The following FBXW8 variants were observed in gnomAD, a reference collection of about 807,000 sequenced individuals.
FBXW8 encodes the protein F-box/WD repeat-containing protein 8.
A neutral mutation model predicts 65.3 loss-of-function variants in FBXW8; 57 were observed. The ratio of observed to expected loss-of-function variants is 0.87; its 90% CI spans 0.71 to 1.09. FBXW8 has a LOEUF of 1.09. Ranked by LOEUF, FBXW8 falls within the 50% of genes least tolerant of loss-of-function variation. The pLI, the probability that FBXW8 is intolerant of heterozygous loss-of-function variation, is 0.00. For synonymous variants in FBXW8, 308 were observed against 330.2 expected, an observed-to-expected ratio of 0.93 and a Z score of 0.73; for missense variants, 777 against 814.8, an observed-to-expected ratio of 0.95 and a Z score of 0.57.
At chr12:117,013,894 A>G (rs756391514) in intron 8 of FBXW8, among the ~76,000 whole-genome samples, 6 of 152,062 alleles carry the variant, frequency 3.9e-5, no homozygotes, top group South Asian at 4.1e-4. Flanking sequence ...TGCAGGAAGT[A>G]ATCACTTGTT....
chr12:116,920,240 T>C (rs1356535379), intron 1 of FBXW8, among the ~76,000 whole-genome samples: 1 of 152,252 alleles, frequency 6.6e-6, no homozygotes, highest in Non-Finnish European at 1.5e-5. Context: ...CTTACGAACC[T>C]TTTGAAATGA....
chr12:116,971,357 CAAA>C (rs762730882), intron 5 of FBXW8, among the ~76,000 whole-genome samples: 4 of 118,166 alleles, frequency 3.4e-5, no homozygotes, highest in Admixed American at 1.7e-4. Flanking sequence ...AAGACCCAGT[CAAA>C]AAAAAAAAAA....
At chr12:116,963,585 C>T (rs1884125564) in intron 4 of FBXW8, among the ~76,000 whole-genome samples, 1 of 152,188 alleles carries the variant, frequency 6.6e-6, no homozygotes, top group Non-Finnish European at 1.5e-5. Flanking sequence ...GCCTGGGCAA[C>T]AGAGTGAGAC....
At position 117,031,104 on chromosome 12, in the gene FBXW8, T is replaced by C. The variant is rs1954348169; in HGVS notation, c.*2932T>C. On this transcript the variant is annotated 3_prime_UTR_variant, in exon 11 of 11. Coordinates refer to ENST00000652555, the MANE Select transcript of FBXW8 (RefSeq NM_153348.3). ...AAACACTGTCGGACTTGCTTTCTGCTTTATGATGTCCGTAGTTGTTCTAAT... is the reference window on the plus strand; with the variant it reads ...AAACACTGTCGGACTTGCTTTCTGCCTTATGATGTCCGTAGTTGTTCTAAT... 1.3e-5 allele frequency: 2 copies of C among 152,246 alleles called. No homozygotes were observed. The highest frequency in any genetic ancestry group is 2.9e-5 in the Non-Finnish European group (2 of 68,056). The allele number at this position is 152,246 out of a possible 1,614,324, so 9.4% of individuals were successfully genotyped here.
rs184727668 is a variant in FBXW8 at position 116,986,612 on chromosome 12, C to G, written c.1032+1210C>G. 1.4e-3 allele frequency: 216 copies of G among 149,720 alleles called. 1 individual carries two copies. The highest frequency in any genetic ancestry group is 2.5e-3 in the Non-Finnish European group (171 of 67,828). 9.3% of individuals were successfully genotyped at this position (149,720 alleles called of 1,614,324 possible). A position where few individuals can be genotyped will look rare whatever the true frequency, so the allele number is the denominator to read the frequency against. On this transcript the variant is annotated intron_variant, in intron 6 of 10. Coordinates refer to ENST00000652555, the MANE Select transcript of FBXW8 (RefSeq NM_153348.3). ...CTGCAGTCCAGCCTGGGCAACAGAG[C>G]GAGACTCCGTCTCAAAAAAAAAAAA... is the stretch of plus-strand genomic sequence containing the variant.
Position 116,964,719 on chromosome 12 carries a change from G to C in FBXW8, c.700G>C (p.Val234Leu). 6.2e-7 allele frequency: 1 copy of C among 1,613,822 alleles called. No homozygotes were observed. The highest frequency in any genetic ancestry group is 8.5e-7 in the Non-Finnish European group (1 of 1,180,006). The change falls in exon 5 of 11, where the codon GTG becomes CTG. Residue 234 changes from valine (V) to leucine (L), a missense_variant. Val to Leu is a conservative substitution (Grantham distance 32, BLOSUM62 1). Coordinates refer to ENST00000652555, the MANE Select transcript of FBXW8 (RefSeq NM_153348.3). ...CAGATATACATCAGGGGATGTGAGA[G>C]TGTGGGACACCCGCACCTGGGACTA... Reference protein sequence around the residue: ...IAGYTSGDVRVWDTRTWDYVA... With the variant: ...IAGYTSGDVRLWDTRTWDYVA...
intron 1 of FBXW8, among the ~76,000 whole-genome samples, chr12:116,919,398 C>G (rs1450477582): frequency 6.6e-6 from 1 of 152,154 alleles, no homozygotes; most frequent in Non-Finnish European, 1.5e-5. Flanking sequence ...TTTCCCCTGC[C>G]TTAGCTGTCA....
chr12:117,023,024 C>T (rs1298159362), intron 8 of FBXW8, among the ~76,000 whole-genome samples: 1 of 152,112 alleles, frequency 6.6e-6, no homozygotes, highest in African/African-American at 2.4e-5. Context: ...CAGAGAGTAT[C>T]CACAGGTAGT....
chr12:116,985,495 A>C, intron 6 of FBXW8, 93 bp downstream of exon 6: 1 of 1,249,962 alleles, frequency 8.0e-7, no homozygotes. Flanking sequence ...ACTCCCATTC[A>C]CTCAGAGCTT....
chr12:117,023,314 A>G (rs1954145643), intron 8 of FBXW8, among the ~76,000 whole-genome samples: 1 of 152,058 alleles, frequency 6.6e-6, no homozygotes, highest in Non-Finnish European at 1.5e-5. Context: ...CTTTCTTTTC[A>G]GGGCAGGGAC....
At chr12:116,953,160 A>G (rs917325632) in intron 4 of FBXW8, among the ~76,000 whole-genome samples, 27 of 152,134 alleles carry the variant, frequency 1.8e-4, no homozygotes, top group African/African-American at 5.8e-4. Context: ...CCTATATATG[A>G]TGTTATATGG....
chr12:116,926,537 A>C (rs1881337065), intron 1 of FBXW8, among the ~76,000 whole-genome samples: 1 of 152,116 alleles, frequency 6.6e-6, no homozygotes, highest in South Asian at 2.1e-4. Context: ...TTGATGAGTG[A>C]AGCCAATTAG....
intron 1 of FBXW8, among the ~76,000 whole-genome samples, chr12:116,911,589 C>T (rs1176021461): frequency 2.6e-5 from 4 of 152,104 alleles, no homozygotes; most frequent in African/African-American, 9.7e-5. Context: ...TTTTGGGTGC[C>T]TCATCGGGGT....
chr12:116,961,779 G>A lies in FBXW8; in HGVS notation c.678-2918G>A, dbSNP rs1247109498. ...TGCCGTGAAGGTAGATCGTAGTGCG[G>A]TGTAGTGTGGCATGTGAGGGAGAAA... On this transcript the variant is annotated intron_variant, in intron 4 of 10. Coordinates refer to ENST00000652555, the MANE Select transcript of FBXW8 (RefSeq NM_153348.3). The surrounding 1 kb of genome is among the most constrained non-coding windows in gnomAD (Gnocchi z 4.4). Among the ~76,000 whole-genome samples the A allele has an allele frequency of 1.3e-5, 2 of 152,244 alleles. No individual in the cohort carries two copies. The highest frequency in any genetic ancestry group is 1.5e-5 in the Non-Finnish European group (1 of 68,050).
intron 7 of FBXW8, among the ~76,000 whole-genome samples, chr12:117,001,969 C>T (rs1300368928): frequency 6.6e-6 from 1 of 152,214 alleles, no homozygotes; most frequent in African/African-American, 2.4e-5. Context: ...ATTCCCAGCA[C>T]CTACGGACGT....
Position 116,910,977 on chromosome 12 carries a change from G to C in FBXW8, c.-61G>C, listed in dbSNP as rs61697829. 110 of 1,305,332 alleles carry C rather than the reference G, an allele frequency of 8.4e-5. 1 individual carries two copies. The highest frequency in any genetic ancestry group is 8.2e-4 in the Admixed American group (20 of 24,276). The allele number at this position is 1,305,332 out of a possible 1,614,324, so 80.9% of individuals were successfully genotyped here. ...GGCCGCGGCGGACACTTCCCTGGGCGGGACTGTCTCGTGGCACCCGGTGGA... is the reference window on the plus strand; with the variant it reads ...GGCCGCGGCGGACACTTCCCTGGGCCGGACTGTCTCGTGGCACCCGGTGGA... On this transcript the variant is annotated 5_prime_UTR_variant, in exon 1 of 11. Coordinates refer to ENST00000652555, the MANE Select transcript of FBXW8 (RefSeq NM_153348.3).
In FBXW8 at chr12:116,964,731, C is replaced by CGCACCT; in HGVS notation, c.714_719dup (p.Thr239_Trp240insCysThr). The CGCACCT allele has an allele frequency of 6.2e-7, 1 of 1,613,746 alleles. No individual in the cohort carries two copies. The highest frequency in any genetic ancestry group is 8.5e-7 in the Non-Finnish European group (1 of 1,180,010). Reference sequence around the variant, plus strand: ...AGGGGATGTGAGAGTGTGGGACACCCGCACCTGGGACTACGTAGCCCCCTT... The same window carrying CGCACCT: ...AGGGGATGTGAGAGTGTGGGACACCCGCACCTGCACCTGGGACTACGTAGCCCCCTT... On this transcript the variant is annotated inframe_insertion, in exon 5 of 11. Transcript: ENST00000652555.
At chr12:116,990,307 G>C (rs1277906153) in intron 7 of FBXW8, among the ~76,000 whole-genome samples, 1 of 152,196 alleles carries the variant, frequency 6.6e-6, no homozygotes, top group Admixed American at 6.5e-5. Flanking sequence ...GTGCAGTTTG[G>C]TTGGGGCATC....
At chr12:117,025,973 G>T (rs1448547376) in intron 9 of FBXW8, among the ~76,000 whole-genome samples, 1 of 152,356 alleles carries the variant, frequency 6.6e-6, no homozygotes, top group South Asian at 2.1e-4. Context: ...TGCGGTCCAG[G>T]CTTGTCCCCC....
Sources: gnomAD v4.1 joint callset for allele counts (sites outside exome capture counted in the v4.1 genomes callset) on GRCh38, gnomAD v4.1.1 for gene constraint, Gnocchi (gnomAD v3.1) non-coding constraint, MANE v1.5 for transcripts, NCBI Gene and HGNC (gene_info 2026-07-23, HGNC 2026-07-21) for gene names.